Variants in CCDC27 observed in about 807,000 individuals in gnomAD.
CCDC27 encodes the protein coiled-coil domain containing 27.
CCDC27 carries 80 observed loss-of-function variants against 80.3 expected under a neutral mutation model. The observed-to-expected ratio is 1.00, with a 90% CI of 0.83 to 1.20. The LOEUF is 1.20. Ranked by LOEUF, CCDC27 falls within the 50% of genes most tolerant of loss-of-function variation. CCDC27 has a pLI of 0.00. For synonymous variants in CCDC27, 342 were observed against 334.3 expected, an observed-to-expected ratio of 1.02 and a Z score of -0.25; for missense variants, 815 against 809.4, an observed-to-expected ratio of 1.01 and a Z score of -0.08.
Position 3,767,384 on chromosome 1 carries a change from A to AG in CCDC27, c.1684dup (p.Glu562GlyfsTer27), listed in dbSNP as rs1557631043. 6 of 1,613,824 alleles carry AG rather than the reference A, an allele frequency of 3.7e-6. No individual in the cohort carries two copies. The highest frequency in any genetic ancestry group is 5.1e-6 in the Non-Finnish European group (6 of 1,180,030). Reference sequence around the variant, plus strand: ...CTGCAGGAGGATTTGCAGAGCAAGAAGGAGATGATTCAGCAGGCAGAGCAG... The same window carrying AG: ...CTGCAGGAGGATTTGCAGAGCAAGAAGGGAGATGATTCAGCAGGCAGAGCAG... On this transcript the variant is annotated frameshift_variant, in exon 10 of 12. Transcript: ENST00000294600. LOFTEE classifies it high-confidence loss of function.
intron 10 of CCDC27, among the ~76,000 whole-genome samples, chr1:3,767,707 T>G (rs1294349310): frequency 6.6e-6 from 1 of 152,232 alleles, no homozygotes; most frequent in African/African-American, 2.4e-5. Context: ...GCTGCGGGTC[T>G]TGGGTTGCAT....
At chr1:3,765,971 G>T (rs566072613) in intron 8 of CCDC27, among the ~76,000 whole-genome samples, 1 of 151,922 alleles carries the variant, frequency 6.6e-6, no homozygotes, top group East Asian at 1.9e-4. Context: ...CCAGAGTCGG[G>T]TGATCCTCTC....
chr1:3,755,482 C>T lies in CCDC27; in HGVS notation c.468C>T (p.Ser156=), dbSNP rs769266294. The change falls in exon 3 of 12, where the codon TCC becomes TCT. Residue 156 remains serine (S), a synonymous_variant. Transcript: ENST00000294600. ...HCGSPTEADL[S]GEIDNSSETW... is the part of the protein sequence containing the mutation. The stretch of plus-strand genomic sequence containing the variant: ...GTTCACCCACTGAGGCCGATTTGTC[C>T]GGAGAGATTGACAACAGCTCGGAGA... The T allele has an allele frequency of 1.2e-5, 20 of 1,614,016 alleles. No individual in the cohort carries two copies. Among genetic ancestry groups the T allele is most frequent in the Non-Finnish European group, 1.4e-5 (16 of 1,180,020 alleles).
rs760204010 is a variant in CCDC27 at position 3,763,766 on chromosome 1, A to G, written c.1382A>G (p.Asn461Ser). Residue 461 changes from asparagine to serine, a missense_variant, in exon 8 of 12, where the codon AAT (asparagine) becomes AGT (serine). Physicochemically the swap from Asn to Ser is conservative, Grantham distance 46. Coordinates refer to ENST00000294600, the MANE Select transcript of CCDC27 (RefSeq NM_152492.3). This position sits in a 1 kb window ranked among gnomAD's most constrained non-coding sequence, Gnocchi z 7.5. The part of the protein sequence containing the change: ...DFQETQLRKI[N>S]TENETLQKEL... Reference sequence around the variant, plus strand: ...CAAGAAACCCAGCTGCGAAAGATCAATACGGAAAATGAGACGCTGCAGAAG... The same window carrying G: ...CAAGAAACCCAGCTGCGAAAGATCAGTACGGAAAATGAGACGCTGCAGAAG... 1 of 1,614,162 alleles carries G rather than the reference A, an allele frequency of 6.2e-7. No individual in the cohort carries two copies. The highest frequency in any genetic ancestry group is 2.2e-5 in the East Asian group (1 of 44,888).
chr1:3,766,522 T>C lies in CCDC27; in HGVS notation c.1453-13T>C, dbSNP rs1643230660. 33 of 1,605,566 alleles carry C rather than the reference T, an allele frequency of 2.1e-5. No individual in the cohort carries two copies. Among genetic ancestry groups the C allele is most frequent in the Non-Finnish European group, 2.7e-5 (32 of 1,174,832 alleles). ...TGGGAGTCCCCCAAGCCAACCCTTCTGTCTCCTTCCAGTTCTCCAACCTCC... is the reference window on the plus strand; with the variant it reads ...TGGGAGTCCCCCAAGCCAACCCTTCCGTCTCCTTCCAGTTCTCCAACCTCC... On this transcript the variant is annotated splice_polypyrimidine_tract_variant and intron_variant, in intron 8 of 11. Coordinates refer to ENST00000294600, the MANE Select transcript of CCDC27 (RefSeq NM_152492.3). This position sits in a 1 kb window ranked among gnomAD's most constrained non-coding sequence, Gnocchi z 6.1.
At position 3,762,692 on chromosome 1, in the gene CCDC27, G is replaced by A. The variant is rs1217258002; in HGVS notation, c.934G>A (p.Glu312Lys). The stretch of plus-strand genomic sequence containing the variant: ...GAAGGCCTTCTCCAGACATGAGGAG[G>A]AGCTGCAGCACTGGTGGCAGGTGCG... ...LLKAFSRHEE[E>K]LQHWWQMQEE... The change falls in exon 6 of 12, where the codon GAG becomes AAG. Residue 312 changes from glutamate to lysine, a missense_variant. Transcript: ENST00000294600. The A allele has an allele frequency of 4.1e-5, 63 of 1,549,286 alleles. No homozygotes were observed. The highest frequency in any genetic ancestry group is 5.4e-5 in the Non-Finnish European group (62 of 1,146,710).
At chr1:3,753,320 C>CTTTTTTTTTTTTTT (rs71580220) in intron 1 of CCDC27, among the ~76,000 whole-genome samples, 9 of 94,988 alleles carry the variant, frequency 9.5e-5, no homozygotes, top group Non-Finnish European at 1.2e-4. Context: ...TTTTCTTTTT[C>CTTTTTTTTTTTTTT]TTTTTTTTTT....
Position 3,760,247 on chromosome 1 carries a change from T to C in CCDC27, c.712-1034T>C, listed in dbSNP as rs900615575. Among the ~76,000 whole-genome samples, 1 of 152,162 alleles carries C rather than the reference T, an allele frequency of 6.6e-6. No homozygotes were observed. Among genetic ancestry groups the C allele is most frequent in the Non-Finnish European group, 1.5e-5 (1 of 68,028 alleles). On this transcript the variant is annotated intron_variant, in intron 4 of 11. Coordinates refer to ENST00000294600, the MANE Select transcript of CCDC27 (RefSeq NM_152492.3). This position sits in a 1 kb window ranked among gnomAD's most constrained non-coding sequence, Gnocchi z 4.3. ...TATTTCAGGCATAAAGTGGTAAGAA[T>C]CCATACTACAAAGATTCCCATGTAC...
intron 11 of CCDC27, among the ~76,000 whole-genome samples, 195 bp from the exon 12 acceptor site, chr1:3,771,206 C>A (rs966634006): frequency 6.6e-6 from 1 of 152,162 alleles, no homozygotes; most frequent in Non-Finnish European, 1.5e-5. Flanking sequence ...GCCACAAAGC[C>A]GAGGGTTGTT....
In CCDC27 at chr1:3,763,939, T is replaced by A. The variant is rs1375253453; in HGVS notation, c.1452+103T>A. On this transcript the variant is annotated intron_variant, in intron 8 of 11. Transcript: ENST00000294600. The surrounding 1 kb of genome is among the most constrained non-coding windows in gnomAD (Gnocchi z 7.5). ...AGGCGCTGCCCGTCCCATCTACTGA[T>A]GGAGACTTTGAGCCTGGGGTGTCCA... 1 of 1,483,122 alleles carries A rather than the reference T, an allele frequency of 6.7e-7. No homozygotes were observed. The highest frequency in any genetic ancestry group is 1.4e-5 in the African/African-American group (1 of 71,298). 91.9% of individuals were successfully genotyped at this position (1,483,122 alleles called of 1,614,324 possible).
chr1:3,769,035 C>T lies in CCDC27; in HGVS notation c.1744-748C>T, dbSNP rs1006038952. Among the ~76,000 whole-genome samples, 3 of 152,196 alleles carry T rather than the reference C, an allele frequency of 2.0e-5. No individual in the cohort carries two copies. The highest frequency in any genetic ancestry group is 7.2e-5 in the African/African-American group (3 of 41,446). ...GGAGGCAAGGCTGAGCCTCTCGGGC[C>T]CAGCTCCTGTGGGGCACCTCTGCGT... On this transcript the variant is annotated intron_variant, in intron 10 of 11. Transcript: ENST00000294600. The surrounding 1 kb of genome is among the most constrained non-coding windows in gnomAD (Gnocchi z 4.6).
chr1:3,755,402 TC>T (rs1642926323), intron 2 of CCDC27, 54 bp from the exon 3 acceptor site: 1 of 1,442,764 alleles, frequency 6.9e-7, no homozygotes, highest in African/African-American at 1.4e-5. Context: ...GCCCTGGAGA[TC>T]TTGGGGAGAC....
Position 3,763,172 on chromosome 1 carries a change from A to T in CCDC27, c.1019A>T (p.Asp340Val), listed in dbSNP as rs985668763. The T allele has an allele frequency of 3.0e-5, 45 of 1,505,042 alleles. No homozygotes were observed. Among genetic ancestry groups the T allele is most frequent in the Non-Finnish European group, 3.9e-5 (44 of 1,124,714 alleles). 93.2% of individuals were successfully genotyped at this position (1,505,042 alleles called of 1,614,324 possible). The change falls in exon 7 of 12, where the codon GAC (aspartate) becomes GTC (valine). Residue 340 changes from aspartate (D) to valine (V), a missense_variant. Asp to Val is a radical substitution (Grantham distance 152, BLOSUM62 -3). Coordinates refer to ENST00000294600, the MANE Select transcript of CCDC27 (RefSeq NM_152492.3). The surrounding 1 kb of genome is among the most constrained non-coding windows in gnomAD (Gnocchi z 7.5). ...KEPDLGGGEE[D>V]EGLEGEPDGV... ...CCCGACCTGGGAGGTGGCGAGGAGG[A>T]CGAGGGCCTGGAAGGGGAGCCCGAT...
chr1:3,763,220 G>T lies in CCDC27; in HGVS notation c.1067G>T (p.Trp356Leu). 6.5e-7 allele frequency: 1 copy of T among 1,542,740 alleles called. No individual in the cohort carries two copies. The highest frequency in any genetic ancestry group is 1.2e-5 in the South Asian group (1 of 82,142). The change falls in exon 7 of 12, where the codon TGG becomes TTG. Residue 356 changes from tryptophan (W) to leucine (L), a missense_variant. Coordinates refer to ENST00000294600, the MANE Select transcript of CCDC27 (RefSeq NM_152492.3). The surrounding 1 kb of genome is among the most constrained non-coding windows in gnomAD (Gnocchi z 7.5). ...GATGGGGTGGAGGACACGGGTGCCT[G>T]GGGAGGTGTGAGCCAGATGGGATCC... Reference protein sequence around the residue: ...EPDGVEDTGAWGGVSQMGSVH... With the variant: ...EPDGVEDTGALGGVSQMGSVH...
In CCDC27 at chr1:3,768,264, A is replaced by G. The variant is rs1368853610; in HGVS notation, c.1743+819A>G. Among the ~76,000 whole-genome samples, 1 of 151,890 alleles carries G rather than the reference A, an allele frequency of 6.6e-6. No individual in the cohort carries two copies. Among genetic ancestry groups the G allele is most frequent in the Non-Finnish European group, 1.5e-5 (1 of 67,978 alleles). ...AGGCATGTGCCACCATACCTGGCCA[A>G]TTTTAAAAGCTTTTTGTAGAGACGG... On this transcript the variant is annotated intron_variant, in intron 10 of 11. Coordinates refer to ENST00000294600, the MANE Select transcript of CCDC27 (RefSeq NM_152492.3). This position sits in a 1 kb window ranked among gnomAD's most constrained non-coding sequence, Gnocchi z 5.6.
chr1:3,767,139 G>A (rs1025155273), intron 9 of CCDC27, 94 bp from the exon 10 acceptor site: 9 of 1,170,764 alleles, frequency 7.7e-6, no homozygotes, highest in African/African-American at 3.0e-5. Flanking sequence ...GCACCTGGCC[G>A]CCGGCCATCT....
At position 3,760,133 on chromosome 1, in the gene CCDC27, T is replaced by G. The variant is rs1643051692; in HGVS notation, c.712-1148T>G. ...AATCGGATCTCCCTTCCAGCAGTCC[T>G]TGCACTATTTTGAGACGTGCAAGTG... On this transcript the variant is annotated intron_variant, in intron 4 of 11. Coordinates refer to ENST00000294600, the MANE Select transcript of CCDC27 (RefSeq NM_152492.3). This position sits in a 1 kb window ranked among gnomAD's most constrained non-coding sequence, Gnocchi z 4.3. 6.6e-6 allele frequency among the ~76,000 whole-genome samples: 1 copy of G among 152,234 alleles called. No individual in the cohort carries two copies. The highest frequency in any genetic ancestry group is 2.4e-5 in the African/African-American group (1 of 41,460).
chr1:3,754,857 G>C (rs1477891658), intron 2 of CCDC27, among the ~76,000 whole-genome samples: 2 of 113,062 alleles, frequency 1.8e-5, no homozygotes, highest in African/African-American at 6.7e-5. Context: ...TGGGGGGGTT[G>C]GGGAGGGGGT....
Position 3,752,695 on chromosome 1 carries a change from A to T in CCDC27, c.214A>T (p.Ser72Cys). ...GGCCAGGGCCCTGGTGCTCCTCCAG[A>T]GCATGGCCAGCCGGGACGCCCGGTG... ...SMARALVLLQ[S>C]MASRDARCPE... The change falls in exon 1 of 12, where the codon AGC becomes TGC. Residue 72 changes from serine to cysteine, a missense_variant. By Grantham distance (112) the Ser-to-Cys change is moderately radical. Coordinates refer to ENST00000294600, the MANE Select transcript of CCDC27 (RefSeq NM_152492.3). 6.2e-7 allele frequency: 1 copy of T among 1,613,966 alleles called. No homozygotes were observed. Among genetic ancestry groups the T allele is most frequent in the South Asian group, 1.1e-5 (1 of 91,090 alleles).
Sources: allele counts gnomAD v4.1 joint callset (sites outside exome capture counted in the v4.1 genomes callset), GRCh38; gene constraint gnomAD v4.1.1; non-coding constraint Gnocchi (gnomAD v3.1); transcripts MANE v1.5; gene names NCBI Gene and HGNC (gene_info 2026-07-23, HGNC 2026-07-21).